The following PTK2 variants were observed in gnomAD, a reference collection of about 807,000 sequenced individuals.
PTK2 encodes the protein focal adhesion kinase 1.
In PTK2, 45 loss-of-function variants were observed where a neutral mutation model predicts 150.1. The observed-to-expected ratio is 0.30, with a 90% CI of 0.24 to 0.38. PTK2 has a LOEUF of 0.38. Among genes scored for constraint, PTK2 ranks in the 10% least tolerant of loss-of-function variants. The probability of loss-of-function intolerance (pLI) is 1.00; values close to 1 mark genes in which losing one functional copy is unlikely to be tolerated. For synonymous variants in PTK2, 432 were observed against 449.2 expected (o/e 0.96, Z 0.48); for missense variants, 919 against 1,307.3 (o/e 0.70, Z 4.58).
intron 23 of PTK2, among the ~76,000 whole-genome samples, chr8:140,711,775 G>A (rs886595153): frequency 6.6e-6 from 1 of 152,134 alleles, no homozygotes; most frequent in Non-Finnish European, 1.5e-5. Flanking sequence ...GTCTCCCAAT[G>A]TCATCAGATC....
chr8:140,824,323 C>CGGTG (rs2100110610), intron 8 of PTK2, among the ~76,000 whole-genome samples: 1 of 152,154 alleles, frequency 6.6e-6, no homozygotes, highest in African/African-American at 2.4e-5. Context: ...TTTCTGTAGG[C>CGGTG]GGTGTTACCT....
intron 4 of PTK2, among the ~76,000 whole-genome samples, chr8:140,878,731 T>C (rs767788149): frequency 3.9e-5 from 6 of 152,268 alleles, no homozygotes; most frequent in East Asian, 1.9e-4. Flanking sequence ...TTCTGTAGCA[T>C]TGCCTATAAA....
intron 1 of PTK2, among the ~76,000 whole-genome samples, chr8:140,951,737 A>T (rs1258467571): frequency 6.6e-6 from 1 of 152,026 alleles, no homozygotes; most frequent in African/African-American, 2.4e-5. Flanking sequence ...TTTTTTAATT[A>T]GCCACGCATG....
chr8:140,913,382 A>G (rs1019050184), intron 2 of PTK2, among the ~76,000 whole-genome samples: 2 of 151,096 alleles, frequency 1.3e-5, no homozygotes, highest in African/African-American at 4.9e-5. Flanking sequence ...TGCAACCTCA[A>G]CCTCCCAGGT....
At chr8:140,892,242 AC>A (rs2100154497) in intron 2 of PTK2, among the ~76,000 whole-genome samples, 2 of 150,808 alleles carry the variant, frequency 1.3e-5, no homozygotes, top group South Asian at 4.2e-4. Context: ...CACACACAAA[AC>A]CACAGATCCA....
At chr8:140,920,926 A>G (rs989074935) in intron 2 of PTK2, 6 of 1,499,124 alleles carry the variant, frequency 4.0e-6, no homozygotes, top group Non-Finnish European at 4.4e-6. Flanking sequence ...ACCCAATCCT[A>G]TAAAGATCAA....
chr8:140,659,741 G>T lies in PTK2; in HGVS notation c.2947-63C>A. 2.8e-6 allele frequency: 4 copies of T among 1,445,270 alleles called. No individual in the cohort carries two copies. In the Admixed American group the frequency reaches 5.7e-5, roughly 21 times the overall value. The allele number at this position is 1,445,270 out of a possible 1,614,324, so 89.5% of individuals were successfully genotyped here. ...GTGATTTTTTTTTTTCTTTTTTAGA[G>T]AGATGTTCTTACTGTGTTGTCCAAG... On this transcript the variant is annotated intron_variant, in intron 31 of 31. Transcript: ENST00000522684.
chr8:140,770,789 G>A, intron 14 of PTK2: 1 of 1,330,292 alleles, frequency 7.5e-7, no homozygotes, highest in African/African-American at 1.5e-5. Flanking sequence ...TATGTTGGCA[G>A]TGACTGACTC....
intron 7 of PTK2, among the ~76,000 whole-genome samples, chr8:140,840,381 G>A (rs941032146): frequency 6.6e-6 from 1 of 152,140 alleles, no homozygotes; most frequent in Non-Finnish European, 1.5e-5. Context: ...TCATATACAT[G>A]TAGGGAAAGC....
intron 2 of PTK2, among the ~76,000 whole-genome samples, chr8:140,911,772 T>C (rs1317576346): frequency 1.3e-5 from 2 of 152,126 alleles, no homozygotes; most frequent in Non-Finnish European, 2.9e-5. Context: ...ATTAATCATA[T>C]ACATAAACGT....
intron 16 of PTK2, among the ~76,000 whole-genome samples, chr8:140,758,151 G>A (rs1033569030): frequency 6.6e-6 from 1 of 152,090 alleles, no homozygotes; most frequent in Non-Finnish European, 1.5e-5. Flanking sequence ...GAGTGCAGTG[G>A]TGTGAACAAG....
At chr8:140,802,491 T>G (rs2100095705) in intron 11 of PTK2, among the ~76,000 whole-genome samples, 1 of 152,190 alleles carries the variant, frequency 6.6e-6, no homozygotes, top group African/African-American at 2.4e-5. Context: ...TGTAAGCTAA[T>G]GTTTACTACT....
At chr8:140,774,386 G>C (rs1047167760) in intron 14 of PTK2, among the ~76,000 whole-genome samples, 2 of 152,170 alleles carry the variant, frequency 1.3e-5, no homozygotes, top group Non-Finnish European at 2.9e-5. Flanking sequence ...TGAACACTTG[G>C]AGGCTAAGGA....
At chr8:140,716,353 G>C (rs1402301152) in intron 23 of PTK2, among the ~76,000 whole-genome samples, 2 of 152,176 alleles carry the variant, frequency 1.3e-5, no homozygotes, top group Non-Finnish European at 2.9e-5. Flanking sequence ...GGGATGCGGG[G>C]TACGTGCTAG....
At chr8:140,878,628 T>C (rs759896090) in intron 4 of PTK2, among the ~76,000 whole-genome samples, 4 of 151,870 alleles carry the variant, frequency 2.6e-5, no homozygotes, top group Non-Finnish European at 4.4e-5. Flanking sequence ...CACCTTAACA[T>C]GTTTGTCTTT....
At chr8:140,754,847 T>C (rs1224981957) in intron 16 of PTK2, among the ~76,000 whole-genome samples, 2 of 152,204 alleles carry the variant, frequency 1.3e-5, no homozygotes, top group African/African-American at 4.8e-5. Flanking sequence ...ATCGGACTGC[T>C]GGAGAATGGG....
chr8:140,752,069 G>A (rs2100063044), intron 17 of PTK2, 163 bp downstream of exon 20: 1 of 708,076 alleles, frequency 1.4e-6, no homozygotes, highest in African/African-American at 1.7e-5. Context: ...AAAATCTGTA[G>A]ATAGGTGCTT....
chr8:140,893,289 C>T lies in PTK2; in HGVS notation c.-32-2520G>A, dbSNP rs566308123. 8.5e-5 allele frequency among the ~76,000 whole-genome samples: 13 copies of T among 152,210 alleles called. 1 individual carries two copies. The highest frequency in any genetic ancestry group is 2.6e-4 in the Admixed American group (4 of 15,288). On this transcript the variant is annotated intron_variant, in intron 2 of 31. Coordinates refer to ENST00000522684, the Ensembl canonical transcript of PTK2. The stretch of plus-strand genomic sequence containing the variant: ...TCATGCCATTGTACTCCAGCTTGGG[C>T]GACAGAAAGAGACCCTGACATAAAA...
At position 140,774,514 on chromosome 8, in the gene PTK2, T is replaced by C. The variant is rs1187365007; in HGVS notation, c.1178-10224A>G. 2.6e-5 allele frequency among the ~76,000 whole-genome samples: 4 copies of C among 152,042 alleles called. No individual in the cohort carries two copies. The East Asian group carries it at 7.7e-4, about 29-fold the overall frequency. On this transcript the variant is annotated intron_variant, in intron 14 of 31. Coordinates refer to ENST00000522684, the Ensembl canonical transcript of PTK2. ...TCCAGCATGGAACACTGTGGAACATTGTGTAGCGTGGTCCTATTATCAGAG... is the reference window on the plus strand; with the variant it reads ...TCCAGCATGGAACACTGTGGAACATCGTGTAGCGTGGTCCTATTATCAGAG...
Sources: allele counts gnomAD v4.1 joint callset (sites outside exome capture counted in the v4.1 genomes callset), GRCh38; gene constraint gnomAD v4.1.1; transcripts MANE v1.5; gene names NCBI Gene and HGNC (gene_info 2026-07-23, HGNC 2026-07-21).